The following INTS6L variants were observed in gnomAD, a reference collection of about 807,000 sequenced individuals.
The protein encoded by INTS6L is integrator complex subunit 6-like.
A neutral mutation model predicts 64.7 loss-of-function variants in INTS6L; 18 were observed. The ratio of observed to expected loss-of-function variants is 0.28; its 90% CI spans 0.19 to 0.41. The LOEUF (loss-of-function observed/expected upper bound fraction) is 0.41. Ranked by LOEUF, INTS6L falls within the 10% of genes least tolerant of loss-of-function variation. The probability of loss-of-function intolerance (pLI) is 1.00; values close to 1 mark genes in which losing one functional copy is unlikely to be tolerated. For missense variants in INTS6L, 533 were observed against 661.0 expected (o/e 0.81, Z 2.12); for synonymous variants, 227 against 235.9 (o/e 0.96, Z 0.34).
intron 2 of INTS6L, among the ~76,000 whole-genome samples, chrX:135,525,692 GC>G (rs1432884603): frequency 3.6e-5 from 4 of 112,097 alleles, no homozygotes; most frequent in Admixed American, 9.4e-5. Context: ...TTTTTCATAT[GC>G]CCATGAATAT....
At chrX:135,560,228 T>C (rs2086750866) in intron 9 of INTS6L, among the ~76,000 whole-genome samples, 1 of 112,308 alleles carries the variant, frequency 8.9e-6, no homozygotes, top group African/African-American at 3.2e-5. Context: ...ACTGCTAGTA[T>C]ATACAAATAC....
At chrX:135,549,537 C>T in intron 6 of INTS6L, 105 bp from the exon 7 acceptor site, 1 of 873,985 alleles carries the variant, frequency 1.1e-6, no homozygotes. Flanking sequence ...AATCATTGTT[C>T]TTGTTTTATT....
chrX:135,537,009 C>A (rs1336818331), intron 2 of INTS6L, among the ~76,000 whole-genome samples: 1 of 112,050 alleles, frequency 8.9e-6, no homozygotes, highest in Non-Finnish European at 1.9e-5. Flanking sequence ...AGAGAACATA[C>A]CAGAATATTC....
At chrX:135,568,188 A>G (rs1375252156) in intron 9 of INTS6L, among the ~76,000 whole-genome samples, 1 of 111,642 alleles carries the variant, frequency 9.0e-6, no homozygotes, top group Non-Finnish European at 1.9e-5. Flanking sequence ...GAAGGAAATA[A>G]TGAGATGTGA....
chrX:135,540,338 G>A (rs1428591887), intron 2 of INTS6L, among the ~76,000 whole-genome samples: 3 of 111,879 alleles, frequency 2.7e-5, no homozygotes, highest in African/African-American at 9.8e-5. Context: ...GTGGTTGTGA[G>A]GTTCATGTAA....
intron 2 of INTS6L, among the ~76,000 whole-genome samples, chrX:135,527,623 T>C (rs2085776465): frequency 8.9e-6 from 1 of 112,159 alleles, no homozygotes; most frequent in African/African-American, 3.2e-5. Flanking sequence ...GTAAGCTAGA[T>C]TTTGTACATT....
Position 135,558,285 on chromosome X carries a change from A to C in INTS6L, c.1192+1985A>C, listed in dbSNP as rs147226289. Among the ~76,000 whole-genome samples the C allele has an allele frequency of 5.4e-5, 6 of 112,043 alleles. No homozygotes were observed. In the East Asian group the frequency reaches 1.4e-3, roughly 26 times the overall value. ...AATAAAATTAACCATATGATCCAGC[A>C]ATCCCATTTCTGAGTATATATCCAA... On this transcript the variant is annotated intron_variant, in intron 9 of 17. Coordinates refer to ENST00000639893, the MANE Select transcript of INTS6L (RefSeq NM_001351601.3).
At chrX:135,577,650 G>C (rs1324944839) in intron 15 of INTS6L, among the ~76,000 whole-genome samples, 1 of 111,979 alleles carries the variant, frequency 8.9e-6, no homozygotes, top group Non-Finnish European at 1.9e-5. Flanking sequence ...TAATTATATA[G>C]TAATTAACAC....
intron 7 of INTS6L, 27 bp downstream of exon 7, chrX:135,549,832 ACAT>A: frequency 8.3e-7 from 1 of 1,201,900 alleles, no homozygotes; most frequent in Non-Finnish European, 1.1e-6. Flanking sequence ...AAAAAGGTAA[ACAT>A]CATTCTGGAT....
In INTS6L at chrX:135,577,420, A is replaced by G. The variant is rs2087260158; in HGVS notation, c.2112A>G (p.Val704=). 1 of 1,209,193 alleles carries G rather than the reference A, an allele frequency of 8.3e-7. No homozygotes were observed. The highest frequency in any genetic ancestry group is 1.8e-5 in the African/African-American group (1 of 57,120). ...SYPNLIKPTL[V]HTDATIIHDG... ...CAAACCTCATAAAACCCACCCTTGT[A>G]CATACAGGTATAGAGTAGTGGTTGT... The change falls in exon 15 of 18, where the codon GTA becomes GTG. Residue 704 remains valine (V), a synonymous_variant. Transcript: ENST00000639893.
intron 9 of INTS6L, among the ~76,000 whole-genome samples, chrX:135,560,614 G>A (rs1602960306): frequency 1.8e-5 from 2 of 112,057 alleles, no homozygotes; most frequent in African/African-American, 6.5e-5. Context: ...AAGCCAAGGC[G>A]GGTGGATCAC....
chrX:135,549,946 A>C (rs782535140), intron 7 of INTS6L, 141 bp downstream of exon 7: 2 of 630,495 alleles, frequency 3.2e-6, no homozygotes, highest in African/African-American at 4.5e-5. Context: ...TCTATCTCTT[A>C]CTGGAAGTCT....
At chrX:135,553,334 G>A (rs1239763666) in intron 8 of INTS6L, among the ~76,000 whole-genome samples, 1 of 109,641 alleles carries the variant, frequency 9.1e-6, no homozygotes, top group Non-Finnish European at 1.9e-5. Flanking sequence ...CGTCCAGCCT[G>A]TTGCCCAGGG....
At chrX:135,569,204 A>G (rs2087027419) in intron 9 of INTS6L, 133 bp from the exon 10 acceptor site, 1 of 333,217 alleles carries the variant, frequency 3.0e-6, no homozygotes, top group Non-Finnish European at 5.2e-6. Flanking sequence ...TACAACCACT[A>G]AAAAAGATAA....
chrX:135,551,298 A>G (rs782087579), intron 7 of INTS6L, among the ~76,000 whole-genome samples: 23 of 111,869 alleles, frequency 2.1e-4, no homozygotes, highest in Non-Finnish European at 3.4e-4. Flanking sequence ...CTCTCCAATC[A>G]CACAAGCTAA....
rs1556519148 is a variant in INTS6L, at chrX:135,556,132, T to C, written c.1060-36T>C. The C allele has an allele frequency of 4.4e-6, 5 of 1,125,741 alleles. No homozygotes were observed. In the South Asian group the frequency reaches 7.1e-5, roughly 16 times the overall value. The allele number at this position is 1,125,741 out of a possible 1,213,427, so 92.8% of individuals were successfully genotyped here. ...GGTTTGGTTTGACATAAAATCCTTA[T>C]TGTCATCACTGTGCATTACTTCATG... On this transcript the variant is annotated intron_variant, in intron 8 of 17. Transcript: ENST00000639893.
intron 2 of INTS6L, among the ~76,000 whole-genome samples, chrX:135,523,513 T>C (rs1178519055): frequency 9.0e-6 from 1 of 111,435 alleles, no homozygotes; most frequent in Non-Finnish European, 1.9e-5. Context: ...CAAAACAGTA[T>C]TTACAGAAAC....
chrX:135,551,867 C>A (rs1017021877), intron 7 of INTS6L, 127 bp from the exon 8 acceptor site: 2 of 609,949 alleles, frequency 3.3e-6, no homozygotes, highest in Non-Finnish European at 4.5e-6. Flanking sequence ...TCTTCTTTCT[C>A]AAAATGCTAG....
At chrX:135,571,192 C>G (rs1222128493) in intron 11 of INTS6L, 2 of 111,738 alleles carry the variant, frequency 1.8e-5, no homozygotes, top group African/African-American at 6.5e-5. Context: ...CCTCCACTCA[C>G]CGTTCCTTAT....
Sources: allele counts gnomAD v4.1 joint callset (sites outside exome capture counted in the v4.1 genomes callset), GRCh38; gene constraint gnomAD v4.1.1; transcripts MANE v1.5; gene names NCBI Gene and HGNC (gene_info 2026-07-23, HGNC 2026-07-21).